BPIFB2: variants seen among roughly 807,000 people sequenced by gnomAD.
BPIFB2 encodes the protein BPI fold containing family B member 2.
A neutral mutation model predicts 50.1 loss-of-function variants in BPIFB2; 39 were observed. That is an observed-to-expected ratio of 0.78 (90% CI 0.60 to 1.02). The LOEUF (loss-of-function observed/expected upper bound fraction) is 1.02. Among genes scored for constraint, BPIFB2 ranks in the 50% least tolerant of loss-of-function variants. BPIFB2 has a pLI of 0.00. For missense variants in BPIFB2, 574 were observed against 585.8 expected (o/e 0.98, Z 0.21); for synonymous variants, 280 against 256.3 (o/e 1.09, Z -0.88).
At chr20:33,016,347 C>T (rs1978429894) in intron 6 of BPIFB2, among the ~76,000 whole-genome samples, 1 of 152,136 alleles carries the variant, frequency 6.6e-6, no homozygotes, top group South Asian at 2.1e-4. Context: ...GGTCCAGCCT[C>T]TTCCTCTCCC....
chr20:33,018,783 G>A lies in BPIFB2; in HGVS notation c.816G>A (p.Gln272=). The A allele has an allele frequency of 3.7e-6, 6 of 1,613,808 alleles. No homozygotes were observed. The highest frequency in any genetic ancestry group is 5.1e-6 in the Non-Finnish European group (6 of 1,179,922). ...QLFDSALLLL[Q]KAGALNLDIT... is the part of the protein sequence containing the mutation. ...TTGACTCTGCGCTCCTGCTGCTGCA[G>A]AAGGCCGGTGCCCTCAACCTGGACA... Residue 272 remains glutamine, a synonymous_variant, in exon 9 of 16, where the codon CAG becomes CAA. Coordinates refer to ENST00000170150, the MANE Select transcript of BPIFB2 (RefSeq NM_025227.3).
chr20:33,008,616 G>A lies in BPIFB2; in HGVS notation c.42G>A (p.Leu14=), dbSNP rs1265660855. The change falls in exon 2 of 16, where the codon CTG becomes CTA. Residue 14 remains leucine (L), a synonymous_variant. Transcript: ENST00000170150. The stretch of plus-strand genomic sequence containing the variant: ...GGCTGGGCCTGCTGCTGGCACTGCT[G>A]CTGCCCGTGGTCGGTGCCTCCACGC... ...ASRLGLLLAL[L]LPVVGASTPG... 1.2e-6 allele frequency: 2 copies of A among 1,605,602 alleles called. No individual in the cohort carries two copies. The highest frequency in any genetic ancestry group is 2.7e-5 in the African/African-American group (2 of 74,728).
rs1419365701 is a variant in BPIFB2 at position 33,015,434 on chromosome 20, A to G, written c.456-2A>G. The G allele has an allele frequency of 1.9e-6, 3 of 1,612,972 alleles. No homozygotes were observed. In the African/African-American group the frequency reaches 4.0e-5, roughly 22 times the overall value. On this transcript the variant is annotated splice_acceptor_variant, in intron 5 of 15. Transcript: ENST00000170150. LOFTEE classifies it high-confidence loss of function. ...GGAACTCTTTCTGTGTTTCTCCCTCAGCACCTCCCACGCGCTGCTGGTCCT... is the reference window on the plus strand; with the variant it reads ...GGAACTCTTTCTGTGTTTCTCCCTCGGCACCTCCCACGCGCTGCTGGTCCT...
At chr20:33,014,279 C>G (rs1320713544) in intron 5 of BPIFB2, among the ~76,000 whole-genome samples, 1 of 152,172 alleles carries the variant, frequency 6.6e-6, no homozygotes, top group African/African-American at 2.4e-5. Context: ...GAGACCCACC[C>G]CTCCTAGCAG....
At chr20:33,021,875 C>A in intron 15 of BPIFB2, 76 bp downstream of exon 15, 3 of 1,420,574 alleles carry the variant, frequency 2.1e-6, no homozygotes, top group South Asian at 2.3e-5. Context: ...CACCTCTCTC[C>A]CTCCCCCTCT....
chr20:33,012,835 T>G lies in BPIFB2; in HGVS notation c.236T>G (p.Leu79Arg). 2 of 1,614,086 alleles carry G rather than the reference T, an allele frequency of 1.2e-6. No individual in the cohort carries two copies. Among genetic ancestry groups the G allele is most frequent in the Non-Finnish European group, 1.7e-6 (2 of 1,179,956 alleles). The change falls in exon 4 of 16, where the codon CTC becomes CGC. Residue 79 changes from leucine (L) to arginine (R), a missense_variant. Transcript: ENST00000170150. The stretch of plus-strand genomic sequence containing the variant: ...ATTCTGAATGTCCATGTGCCCCGCC[T>G]CCACCTGAAATTCATTGCTGGTTTC... ...IRILNVHVPRLHLKFIAGFGV... is the reference protein window; with the variant it reads ...IRILNVHVPRRHLKFIAGFGV...
Position 33,015,447 on chromosome 20 carries a change from C to T in BPIFB2, c.467C>T (p.Ala156Val), listed in dbSNP as rs201977178. ...TGTTTCTCCCTCAGCACCTCCCACGCGCTGCTGGTCCTGGTGCAGAAGCAC... is the reference window on the plus strand; with the variant it reads ...TGTTTCTCCCTCAGCACCTCCCACGTGCTGCTGGTCCTGGTGCAGAAGCAC... ...EFDGSNSTSHALLVLVQKHIK... is the reference protein window; with the variant it reads ...EFDGSNSTSHVLLVLVQKHIK... Residue 156 changes from alanine to valine, a missense_variant, in exon 6 of 16, where the codon GCG (alanine) becomes GTG (valine). Transcript: ENST00000170150. The T allele has an allele frequency of 2.8e-5, 45 of 1,613,456 alleles. No homozygotes were observed. In the Admixed American group the frequency reaches 3.8e-4, roughly 14 times the overall value.
intron 15 of BPIFB2, among the ~76,000 whole-genome samples, 190 bp from the exon 16 acceptor site, chr20:33,023,152 C>T (rs1194115286): frequency 6.6e-6 from 1 of 152,108 alleles, no homozygotes; most frequent in East Asian, 1.9e-4. Flanking sequence ...CTCACAGTGA[C>T]CTTGTGAGGT....
chr20:33,017,859 C>T (rs1270478121), intron 7 of BPIFB2, among the ~76,000 whole-genome samples: 1 of 152,198 alleles, frequency 6.6e-6, no homozygotes, highest in Non-Finnish European at 1.5e-5. Context: ...GAATGAGATG[C>T]TGTAAGTCAA....
intron 2 of BPIFB2, among the ~76,000 whole-genome samples, chr20:33,010,698 G>C (rs1402724713): frequency 6.6e-6 from 1 of 152,054 alleles, no homozygotes; most frequent in Admixed American, 6.5e-5. Context: ...CTTAGGGAAG[G>C]CTCCCAGAGG....
In BPIFB2 at chr20:33,009,839, C is replaced by T. The variant is rs1293920759; in HGVS notation, c.109+1156C>T. On this transcript the variant is annotated intron_variant, in intron 2 of 15. Transcript: ENST00000170150. This position sits in a 1 kb window ranked among gnomAD's most constrained non-coding sequence, Gnocchi z 4.2. ...CTGGAGGCCCACGCTGGACGCATTG[C>T]TCCCCAGGCTGGGCTGAGTGGCTAC... Among the ~76,000 whole-genome samples the T allele has an allele frequency of 6.6e-6, 1 of 152,240 alleles. No individual in the cohort carries two copies. Among genetic ancestry groups the T allele is most frequent in the Non-Finnish European group, 1.5e-5 (1 of 68,034 alleles).
rs1291794339 is a variant in BPIFB2, at chr20:33,020,183, A to G, written c.1081-145A>G. ...GCCTTGTTCACACTGTGTTGTTGCC[A>G]ACATTCAGCGTGGGGCCTGGCACAT... On this transcript the variant is annotated intron_variant, in intron 11 of 15. Coordinates refer to ENST00000170150, the MANE Select transcript of BPIFB2 (RefSeq NM_025227.3). The G allele has an allele frequency of 1.2e-5, 9 of 761,406 alleles. No individual in the cohort carries two copies. The East Asian group carries it at 2.4e-4, about 20-fold the overall frequency. The allele number at this position is 761,406 out of a possible 1,614,324, so 47.2% of individuals were successfully genotyped here.
rs1244948248 is a variant in BPIFB2, at chr20:33,009,777, G to C, written c.109+1094G>C. Among the ~76,000 whole-genome samples the C allele has an allele frequency of 6.6e-6, 1 of 152,218 alleles. No individual in the cohort carries two copies. The highest frequency in any genetic ancestry group is 1.5e-5 in the Non-Finnish European group (1 of 68,044). ...CTTTGTCCCCAGGGAGCCCTCCCCA[G>C]CTTGCCTGCCTGTGTTTGTTTTTGG... On this transcript the variant is annotated intron_variant, in intron 2 of 15. Transcript: ENST00000170150. The surrounding 1 kb of genome is among the most constrained non-coding windows in gnomAD (Gnocchi z 4.2).
In BPIFB2 at chr20:33,020,493, C is replaced by T. The variant is rs374395774; in HGVS notation, c.1149-49C>T. On this transcript the variant is annotated intron_variant, in intron 12 of 15. Transcript: ENST00000170150. Reference sequence around the variant, plus strand: ...CACGGTGTTAGCCAGGGAGCCTGGGCGTAGGGAGGTGCCAGACCCTGTCCT... The same window carrying T: ...CACGGTGTTAGCCAGGGAGCCTGGGTGTAGGGAGGTGCCAGACCCTGTCCT... The T allele has an allele frequency of 1.1e-5, 18 of 1,595,612 alleles. No individual in the cohort carries two copies. In the East Asian group the frequency reaches 1.6e-4, roughly 14 times the overall value.
At position 33,012,867 on chromosome 20, in the gene BPIFB2, C is replaced by T. The variant is rs757877643; in HGVS notation, c.268C>T (p.Arg90Cys). Reference protein sequence around the residue: ...HLKFIAGFGVRLLAAANFTFK... With the variant: ...HLKFIAGFGVCLLAAANFTFK... ...GAAATTCATTGCTGGTTTCGGAGTG[C>T]GCCTGCTGGCAGCAGCTAATTTTAC... The change falls in exon 4 of 16, where the codon CGC becomes TGC. Residue 90 changes from arginine to cysteine, a missense_variant. Transcript: ENST00000170150. 4.6e-5 allele frequency: 74 copies of T among 1,613,870 alleles called. No individual in the cohort carries two copies. In the Middle Eastern group the frequency reaches 8.3e-4, roughly 18 times the overall value.
chr20:33,018,995 A>C, intron 9 of BPIFB2, 67 bp from the exon 10 acceptor site: 1 of 1,605,862 alleles, frequency 6.2e-7, no homozygotes, highest in Non-Finnish European at 8.5e-7. Flanking sequence ...GCTCAGGGGG[A>C]AAGTGGTGAT....
chr20:33,015,280 C>T (rs529059445), intron 5 of BPIFB2, among the ~76,000 whole-genome samples, 156 bp from the exon 6 acceptor site: 5 of 152,112 alleles, frequency 3.3e-5, no homozygotes, highest in Non-Finnish European at 7.4e-5. Context: ...GCCAGTTATG[C>T]CAGCACTGTG....
chr20:33,014,898 C>G (rs116623499), intron 5 of BPIFB2, among the ~76,000 whole-genome samples: 314 of 152,360 alleles, frequency 2.1e-3, no homozygotes, highest in African/African-American at 7.2e-3. Context: ...CCACCTCCCC[C>G]CCAGGGAGCT....
Position 33,015,376 on chromosome 20 carries a change from TGA to T in BPIFB2, c.456-58_456-57del, listed in dbSNP as rs1205279026. The T allele has an allele frequency of 3.4e-6, 5 of 1,490,450 alleles. No individual in the cohort carries two copies. The East Asian group carries it at 9.1e-5, about 27-fold the overall frequency. 92.3% of individuals were successfully genotyped at this position (1,490,450 alleles called of 1,614,324 possible). A position where few individuals can be genotyped will look rare whatever the true frequency, so the allele number is the denominator to read the frequency against. On this transcript the variant is annotated intron_variant, in intron 5 of 15. Coordinates refer to ENST00000170150, the MANE Select transcript of BPIFB2 (RefSeq NM_025227.3). ...TCTCTTCCCAGACGTGCGACTGTGC[TGA>T]GTGACGGGACTTAATATGTTTGGGA...
Sources: allele counts gnomAD v4.1 joint callset (sites outside exome capture counted in the v4.1 genomes callset), GRCh38; gene constraint gnomAD v4.1.1; non-coding constraint Gnocchi (gnomAD v3.1); transcripts MANE v1.5; gene names NCBI Gene and HGNC (gene_info 2026-07-23, HGNC 2026-07-21).